The following SLC35A3 variants were observed in gnomAD, a reference collection of about 807,000 sequenced individuals.
SLC35A3 encodes solute carrier family 35 member A3.
SLC35A3 carries 26 observed loss-of-function variants against 39.0 expected under a neutral mutation model. The observed-to-expected ratio is 0.67, with a 90% CI of 0.49 to 0.92. SLC35A3 has a LOEUF of 0.92. SLC35A3 is among the 40% of genes least tolerant of loss of function. The probability of loss-of-function intolerance (pLI) is 0.00; values close to 1 mark genes in which losing one functional copy is unlikely to be tolerated. For synonymous variants in SLC35A3, 135 were observed against 133.1 expected, an observed-to-expected ratio of 1.01 and a Z score of -0.10; for missense variants, 299 against 371.6, an observed-to-expected ratio of 0.80 and a Z score of 1.61.
chr1:99,985,995 A>G (rs935255058), intron 1 of SLC35A3, among the ~76,000 whole-genome samples: 12 of 152,100 alleles, frequency 7.9e-5, no homozygotes, highest in Non-Finnish European at 1.5e-4. Context: ...TTTTCTAAGT[A>G]TACAATCATA....
chr1:100,011,171 TAA>T (rs1456595211), intron 4 of SLC35A3, among the ~76,000 whole-genome samples, 192 bp from the exon 5 acceptor site: 1 of 152,208 alleles, frequency 6.6e-6, no homozygotes, highest in Non-Finnish European at 1.5e-5. Flanking sequence ...TTTGAAATTA[TAA>T]GTTAGTAATA....
At chr1:99,991,346 A>G (rs956173933) in intron 1 of SLC35A3, among the ~76,000 whole-genome samples, 1 of 151,954 alleles carries the variant, frequency 6.6e-6, no homozygotes, top group Non-Finnish European at 1.5e-5. Flanking sequence ...GGCTTTCACT[A>G]TGTTGGCCAG....
intron 1 of SLC35A3, among the ~76,000 whole-genome samples, chr1:99,990,443 G>A (rs142618857): frequency 6.6e-6 from 1 of 152,056 alleles, no homozygotes; most frequent in African/African-American, 2.4e-5. Context: ...GTGTGGTGGC[G>A]TGTGCTTGTA....
At chr1:99,979,090 C>G (rs995294840) in intron 1 of SLC35A3, 2 of 152,214 alleles carry the variant, frequency 1.3e-5, no homozygotes, top group East Asian at 3.8e-4. Context: ...TTAAAAAATA[C>G]AGACTTAGAT....
rs1164641450 is a variant in SLC35A3, at chr1:100,033,378, C to T, written c.*10902C>T. 1 of 152,034 alleles carries T rather than the reference C, an allele frequency of 6.6e-6. No individual in the cohort carries two copies. Among genetic ancestry groups the T allele is most frequent in the Non-Finnish European group, 1.5e-5 (1 of 67,992 alleles). The allele number at this position is 152,034 out of a possible 1,614,324, so 9.4% of individuals were successfully genotyped here. A position where few individuals can be genotyped will look rare whatever the true frequency, so the allele number is the denominator to read the frequency against. ...AATCTAGCTGTCATACCTATCCCTCCATTCCTAACCATCTCTTATAAGTAA... is the reference window on the plus strand; with the variant it reads ...AATCTAGCTGTCATACCTATCCCTCTATTCCTAACCATCTCTTATAAGTAA... On this transcript the variant is annotated 3_prime_UTR_variant, in exon 8 of 8. Coordinates refer to ENST00000533028, the MANE Select transcript of SLC35A3 (RefSeq NM_012243.3).
chr1:99,983,537 TCAAAACAAAACAAAA>T (rs111846657), intron 1 of SLC35A3, among the ~76,000 whole-genome samples: 1 of 150,318 alleles, frequency 6.7e-6, no homozygotes, highest in African/African-American at 2.5e-5. Context: ...AGACTCCGTC[TCAAAACAAAACAAAA>T]CAAAACAAAA....
rs2101538054 is a variant in SLC35A3, at chr1:100,027,994, G to C, written c.*5518G>C. 8.1e-6 allele frequency: 1 copy of C among 123,792 alleles called. No homozygotes were observed. Among genetic ancestry groups the C allele is most frequent in the South Asian group, 2.5e-4 (1 of 4,006 alleles). The allele number at this position is 123,792 out of a possible 1,614,324, so 7.7% of individuals were successfully genotyped here. ...AGATGGTGTCTCGCTCTGTCACCTAGGCTGCAGTGGTGTGACCTCACTGCA... is the reference window on the plus strand; with the variant it reads ...AGATGGTGTCTCGCTCTGTCACCTACGCTGCAGTGGTGTGACCTCACTGCA... On this transcript the variant is annotated 3_prime_UTR_variant, in exon 8 of 8. Transcript: ENST00000533028.
chr1:99,975,636 T>C (rs1463272720), intron 1 of SLC35A3, among the ~76,000 whole-genome samples: 1 of 152,200 alleles, frequency 6.6e-6, no homozygotes, highest in Non-Finnish European at 1.5e-5. Context: ...TGTTCGTGAA[T>C]GCATGAAAGA....
chr1:99,978,357 A>AT (rs1254872462), intron 1 of SLC35A3, among the ~76,000 whole-genome samples: 2 of 152,062 alleles, frequency 1.3e-5, no homozygotes, highest in African/African-American at 4.8e-5. Flanking sequence ...ATCTTTACAG[A>AT]TAAAAAAAAA....
At position 100,029,215 on chromosome 1, in the gene SLC35A3, C is replaced by A. The variant is rs78695231; in HGVS notation, c.*6739C>A. The A allele has an allele frequency of 6.6e-6, 1 of 152,072 alleles. No individual in the cohort carries two copies. The highest frequency in any genetic ancestry group is 1.5e-5 in the Non-Finnish European group (1 of 68,038). The allele number at this position is 152,072 out of a possible 1,614,324, so 9.4% of individuals were successfully genotyped here. On this transcript the variant is annotated 3_prime_UTR_variant, in exon 8 of 8. Transcript: ENST00000533028. ...TTCAGGGCCTCACCATAGGTTATCTCGTTAGCATAAACTGTCAAGTGTTGT... is the reference window on the plus strand; with the variant it reads ...TTCAGGGCCTCACCATAGGTTATCTAGTTAGCATAAACTGTCAAGTGTTGT...
chr1:100,003,438 A>AAAAAAG (rs1329391996), intron 3 of SLC35A3, among the ~76,000 whole-genome samples: 1 of 148,916 alleles, frequency 6.7e-6, no homozygotes, highest in African/African-American at 2.5e-5. Flanking sequence ...AAAAAAAAAA[A>AAAAAAG]AGAGAAGAGG....
In SLC35A3 at chr1:100,027,301, A is replaced by G. The variant is rs557084130; in HGVS notation, c.*4825A>G. 1.5e-5 allele frequency: 6 copies of G among 396,334 alleles called. No individual in the cohort carries two copies. Among genetic ancestry groups the G allele is most frequent in the Middle Eastern group, 6.4e-4 (1 of 1,572 alleles). The allele number at this position is 396,334 out of a possible 1,614,324, so 24.6% of individuals were successfully genotyped here. A position where few individuals can be genotyped will look rare whatever the true frequency, so the allele number is the denominator to read the frequency against. On this transcript the variant is annotated 3_prime_UTR_variant, in exon 8 of 8. Transcript: ENST00000533028. ...GTTTCTACAAAAAATCTTAAAAATA[A>G]AATTAGCCAATATGTGGGCATGCAC...
At chr1:100,020,215 C>G (rs1438293407) in intron 7 of SLC35A3, among the ~76,000 whole-genome samples, 2 of 151,730 alleles carry the variant, frequency 1.3e-5, no homozygotes, top group Non-Finnish European at 2.9e-5. Context: ...TTTTCTGAGA[C>G]AACTTTCTCT....
intron 1 of SLC35A3, among the ~76,000 whole-genome samples, chr1:99,972,692 A>T (rs1268846178): frequency 6.6e-6 from 1 of 151,920 alleles, no homozygotes; most frequent in African/African-American, 2.4e-5. Flanking sequence ...GATGTATTAG[A>T]CTCTTAAATA....
At chr1:99,996,996 A>G (rs1184206239) in intron 2 of SLC35A3, among the ~76,000 whole-genome samples, 1 of 152,004 alleles carries the variant, frequency 6.6e-6, no homozygotes, top group Non-Finnish European at 1.5e-5. Context: ...TAGGCTCCTT[A>G]GAACCCTAAT....
intron 7 of SLC35A3, among the ~76,000 whole-genome samples, chr1:100,021,220 G>A (rs368177354): frequency 7.9e-5 from 12 of 151,886 alleles, no homozygotes; most frequent in African/African-American, 2.2e-4. Context: ...AAAAATTAGC[G>A]GGGTGTGGTG....
Position 100,015,509 on chromosome 1 carries a change from G to C in SLC35A3, c.753+89G>C, listed in dbSNP as rs1055639028. 3 of 1,374,112 alleles carry C rather than the reference G, an allele frequency of 2.2e-6. No individual in the cohort carries two copies. In the African/African-American group the frequency reaches 4.5e-5, roughly 20 times the overall value. 85.1% of individuals were successfully genotyped at this position (1,374,112 alleles called of 1,614,324 possible). ...TAGCTCCTGATATACTGATGTGAGG[G>C]GGAAAAGGTCCCTCCTGTTAGTGCT... On this transcript the variant is annotated intron_variant, in intron 6 of 7. Transcript: ENST00000533028.
At chr1:99,991,434 G>A (rs929577114) in intron 1 of SLC35A3, among the ~76,000 whole-genome samples, 86 of 152,308 alleles carry the variant, frequency 5.6e-4, no homozygotes, top group Middle Eastern at 3.4e-3. Flanking sequence ...GTGAGCCACC[G>A]CGCCCAGCCA....
intron 5 of SLC35A3, among the ~76,000 whole-genome samples, chr1:100,013,747 A>T (rs1259792210): frequency 6.6e-6 from 1 of 152,054 alleles, no homozygotes; most frequent in Admixed American, 6.6e-5. Flanking sequence ...ATACCATCAC[A>T]TGTGTTTTTG....
Sources: allele counts gnomAD v4.1 joint callset (sites outside exome capture counted in the v4.1 genomes callset), GRCh38; gene constraint gnomAD v4.1.1; transcripts MANE v1.5; gene names NCBI Gene and HGNC (gene_info 2026-07-23, HGNC 2026-07-21).